Variants in PCDHGA4 observed in about 807,000 individuals in gnomAD.
The protein encoded by PCDHGA4 is protocadherin gamma-A4.
In PCDHGA4, 38 loss-of-function variants were observed where a neutral mutation model predicts 54.6. That is an observed-to-expected ratio of 0.70 (90% confidence interval 0.54 to 0.91). The LOEUF (loss-of-function observed/expected upper bound fraction) is 0.91, where lower values mean the gene tolerates loss of function less well. Among genes scored for constraint, PCDHGA4 ranks in the 40% least tolerant of loss-of-function variants. PCDHGA4 has a pLI of 0.00. For missense variants in PCDHGA4, 1,298 were observed against 1,220.9 expected, an observed-to-expected ratio of 1.06 and a Z score of -0.94; for synonymous variants, 511 against 512.9, an observed-to-expected ratio of 1.00 and a Z score of 0.05.
intron 1 of PCDHGA4, among the ~76,000 whole-genome samples, chr5:141,468,754 T>C (rs1205525962): frequency 6.6e-6 from 1 of 152,036 alleles, no homozygotes; most frequent in Admixed American, 6.6e-5. Flanking sequence ...TAGTCCCAGC[T>C]ACTCGGGAGG....
At chr5:141,358,349 G>T (rs1182827672) in intron 1 of PCDHGA4, among the ~76,000 whole-genome samples, 1 of 152,164 alleles carries the variant, frequency 6.6e-6, no homozygotes, top group Admixed American at 6.5e-5. Flanking sequence ...TGGACTGAGG[G>T]TTTTTTAATT....
intron 1 of PCDHGA4, chr5:141,361,394 T>A: frequency 1.2e-6 from 2 of 1,613,952 alleles, no homozygotes; most frequent in Non-Finnish European, 1.7e-6. Flanking sequence ...GAATACAATC[T>A]CACCATCACA....
At chr5:141,376,179 C>T (rs777443061) in intron 1 of PCDHGA4, 9 of 1,614,014 alleles carry the variant, frequency 5.6e-6, no homozygotes, top group East Asian at 4.5e-5. Context: ...GCGGTGGCCG[C>T]GGTCTCCTGC....
chr5:141,400,571 C>T (rs781701893), intron 1 of PCDHGA4: 1 of 1,612,704 alleles, frequency 6.2e-7, no homozygotes, highest in South Asian at 1.1e-5. Context: ...ACCCAATTTT[C>T]TGTATTTACA....
At chr5:141,420,061 G>A (rs376044810) in intron 1 of PCDHGA4, 3 of 1,613,958 alleles carry the variant, frequency 1.9e-6, no homozygotes, top group Non-Finnish European at 2.5e-6. Flanking sequence ...TCTGCTCCAA[G>A]TCCGGACCTG....
intron 1 of PCDHGA4, among the ~76,000 whole-genome samples, chr5:141,452,082 T>A (rs924362905): frequency 3.3e-5 from 5 of 152,240 alleles, no homozygotes; most frequent in Non-Finnish European, 7.3e-5. Context: ...GTTGGCATTA[T>A]ACAGTAAGAA....
At chr5:141,421,218 A>G (rs969154252) in intron 1 of PCDHGA4, 1 of 1,570,664 alleles carries the variant, frequency 6.4e-7, no homozygotes, top group Admixed American at 1.9e-5. Flanking sequence ...ATATCGGCTT[A>G]GAGCCTGCCA....
chr5:141,423,497 AG>A (rs1269176785), intron 1 of PCDHGA4: 1 of 1,613,940 alleles, frequency 6.2e-7, no homozygotes, highest in Non-Finnish European at 8.5e-7. Flanking sequence ...TATTCCCACG[AG>A]GTCTCTCTCA....
chr5:141,426,643 T>C (rs1280631056), intron 1 of PCDHGA4: 1 of 411,758 alleles, frequency 2.4e-6, no homozygotes, highest in Non-Finnish European at 5.0e-6. Flanking sequence ...CACATAAATG[T>C]GATGATAGAA....
At position 141,489,185 on chromosome 5, in the gene PCDHGA4, T is replaced by TCTA; in HGVS notation, c.2515-5620_2515-5618dup. Reference sequence around the variant, plus strand: ...CAGCTGCTGCATTCCAAGCCCTGGGTCTACCTTGGAGACAGGACAGCACAG... The same window carrying TCTA: ...CAGCTGCTGCATTCCAAGCCCTGGGTCTACTACCTTGGAGACAGGACAGCACAG... On this transcript the variant is annotated intron_variant, in intron 1 of 3. Coordinates refer to ENST00000571252, the MANE Select transcript of PCDHGA4 (RefSeq NM_018917.4). This position sits in a 1 kb window ranked among gnomAD's most constrained non-coding sequence, Gnocchi z 4.5. 7.8e-7 allele frequency: 1 copy of TCTA among 1,286,838 alleles called. No homozygotes were observed. The highest frequency in any genetic ancestry group is 1.5e-5 in the South Asian group (1 of 65,798). The allele number at this position is 1,286,838 out of a possible 1,614,324, so 79.7% of individuals were successfully genotyped here.
intron 1 of PCDHGA4, 91 bp from the exon 2 acceptor site, chr5:141,494,716 C>T (rs1448674271): frequency 3.7e-6 from 6 of 1,604,970 alleles, no homozygotes; most frequent in East Asian, 4.5e-5. Flanking sequence ...TGCCCACTCC[C>T]CTCCTTCTCT....
At chr5:141,415,458 C>T in intron 1 of PCDHGA4, 5 of 1,614,204 alleles carry the variant, frequency 3.1e-6, no homozygotes, top group Non-Finnish European at 4.2e-6. Flanking sequence ...CCCACGAGGT[C>T]TCTCTCACCG....
chr5:141,389,389 A>G, intron 1 of PCDHGA4: 1 of 1,613,668 alleles, frequency 6.2e-7, no homozygotes, highest in Non-Finnish European at 8.5e-7. Context: ...CTGTCATCCT[A>G]CGTGTCCATA....
intron 1 of PCDHGA4, among the ~76,000 whole-genome samples, chr5:141,407,609 TG>T (rs2094960291): frequency 1.3e-5 from 2 of 152,162 alleles, no homozygotes; most frequent in Admixed American, 1.3e-4. Flanking sequence ...AAAGAAGCAT[TG>T]GTTGACATTC....
intron 1 of PCDHGA4, chr5:141,398,974 A>G (rs1486049931): frequency 1.4e-5 from 23 of 1,613,860 alleles, no homozygotes; most frequent in Non-Finnish European, 1.9e-5. Context: ...TTCCTTCTAC[A>G]GAACCGGGCA....
At chr5:141,404,602 G>C (rs749746083) in intron 1 of PCDHGA4, 2 of 1,614,076 alleles carry the variant, frequency 1.2e-6, no homozygotes, top group Admixed American at 1.7e-5. Flanking sequence ...CATTGAGACT[G>C]TTTGTTTTGG....
chr5:141,377,683 T>C (rs1160424297), intron 1 of PCDHGA4: 1 of 152,192 alleles, frequency 6.6e-6, no homozygotes, highest in Non-Finnish European at 1.5e-5. Context: ...AAGAGATCTT[T>C]CACCTTTACT....
intron 1 of PCDHGA4, chr5:141,383,053 C>G: frequency 6.2e-7 from 1 of 1,613,896 alleles, no homozygotes; most frequent in South Asian, 1.1e-5. Context: ...CGCCAAGGAC[C>G]TGGGGCTGGA....
rs1246198657 is a variant in PCDHGA4 at position 141,505,401 on chromosome 5, A to T, written c.2582A>T (p.Asn861Ile). The change falls in exon 3 of 4, where the codon AAT (asparagine) becomes ATT (isoleucine). Residue 861 changes from asparagine (N) to isoleucine (I), a missense_variant. By Grantham distance (149) the Asn-to-Ile change is moderately radical (BLOSUM62 -3). Transcript: ENST00000571252. Reference protein sequence around the residue: ...AQRPGTSGSQNGDDTGTWPNN... With the variant: ...AQRPGTSGSQIGDDTGTWPNN... ...TCCTACTCTCTCCCCAGCTCCCAAA[A>T]TGGCGATGACACCGGCACCTGGCCC... is the stretch of plus-strand genomic sequence containing the variant. The T allele has an allele frequency of 6.2e-7, 1 of 1,614,058 alleles. No individual in the cohort carries two copies. Among genetic ancestry groups the T allele is most frequent in the African/African-American group, 1.3e-5 (1 of 74,922 alleles).
Sources: gnomAD v4.1 joint callset for allele counts (sites outside exome capture counted in the v4.1 genomes callset) on GRCh38, gnomAD v4.1.1 for gene constraint, Gnocchi (gnomAD v3.1) non-coding constraint, MANE v1.5 for transcripts, NCBI Gene and HGNC (gene_info 2026-07-23, HGNC 2026-07-21) for gene names.